HECTD4: variants seen among roughly 807,000 people sequenced by gnomAD.
HECTD4 encodes HECT domain E3 ubiquitin protein ligase 4, also known as probable E3 ubiquitin-protein ligase HECTD4.
In HECTD4, 114 loss-of-function variants were observed where a neutral mutation model predicts 471.5. That is an observed-to-expected ratio of 0.24 (90% CI 0.21 to 0.28). The LOEUF (loss-of-function observed/expected upper bound fraction) is 0.28, where lower values mean the gene tolerates loss of function less well. HECTD4 is among the 10% of genes least tolerant of loss of function. The pLI is 1.00. For synonymous variants in HECTD4, 2,012 were observed against 2,256.0 expected, an observed-to-expected ratio of 0.89 and a Z score of 3.07; for missense variants, 3,866 against 5,651.5, an observed-to-expected ratio of 0.68 and a Z score of 10.13.
chr12:112,343,585 C>T (rs1268991622), intron 1 of HECTD4, among the ~76,000 whole-genome samples: 1 of 151,984 alleles, frequency 6.6e-6, no homozygotes, highest in Non-Finnish European at 1.5e-5. Flanking sequence ...GCCTGGGCAA[C>T]ACGGCAAGAC....
rs576410097 is a variant in HECTD4, at chr12:112,311,064, C to A, written c.917-1395G>T. ...ATCACCTGAGGTCAGGAGTTCAAGA[C>A]CAGCCTGGCCAACATGGTGAAACCC... On this transcript the variant is annotated intron_variant, in intron 4 of 75. Transcript: ENST00000682272. Among the ~76,000 whole-genome samples the A allele has an allele frequency of 6.0e-4, 91 of 152,200 alleles. No homozygotes were observed. In the Middle Eastern group the frequency reaches 0.034, roughly 57 times the overall value.
intron 69 of HECTD4, 66 bp from the exon 70 acceptor site, chr12:112,169,724 C>T (rs1455332334): frequency 1.3e-6 from 2 of 1,587,706 alleles, no homozygotes; most frequent in African/African-American, 1.3e-5. Context: ...CCCTTGAGGA[C>T]AGACCCTGGG....
At chr12:112,165,949 C>A (rs1428642003) in intron 72 of HECTD4, among the ~76,000 whole-genome samples, 1 of 152,202 alleles carries the variant, frequency 6.6e-6, no homozygotes, top group Non-Finnish European at 1.5e-5. Context: ...ACCTCCCTAC[C>A]CCTTCACCGC....
intron 55 of HECTD4, among the ~76,000 whole-genome samples, chr12:112,200,123 T>C (rs2032373889): frequency 6.6e-6 from 1 of 152,012 alleles, no homozygotes; most frequent in African/African-American, 2.4e-5. Flanking sequence ...GCAGGGTGCA[T>C]GTTGCATAAG....
At chr12:112,348,918 G>C (rs1423740984) in intron 1 of HECTD4, among the ~76,000 whole-genome samples, 1 of 152,050 alleles carries the variant, frequency 6.6e-6, no homozygotes, top group East Asian at 1.9e-4. Context: ...GAGGAATTAT[G>C]GTTGATTTTC....
At chr12:112,247,927 G>C (rs181797550) in intron 27 of HECTD4, 140 bp downstream of exon 27, 19 of 569,198 alleles carry the variant, frequency 3.3e-5, no homozygotes, top group African/African-American at 2.8e-4. Flanking sequence ...TTTAAAGAAT[G>C]GGTACATTTT....
chr12:112,194,960 T>C lies in HECTD4; in HGVS notation c.8674A>G (p.Ile2892Val). 1.2e-6 allele frequency: 2 copies of C among 1,611,170 alleles called. No individual in the cohort carries two copies. Among genetic ancestry groups the C allele is most frequent in the Non-Finnish European group, 1.7e-6 (2 of 1,178,814 alleles). The change falls in exon 56 of 76, where the codon ATC becomes GTC. Residue 2892 changes from isoleucine (I) to valine (V), a missense_variant. Physicochemically the swap from Ile to Val is conservative, Grantham distance 29. Coordinates refer to ENST00000682272, the MANE Select transcript of HECTD4 (RefSeq NM_001388303.1). This position sits in a 1 kb window ranked among gnomAD's most constrained non-coding sequence, Gnocchi z 4.6. ...LPHLFTRLFHIPAIRDITLEH... is the reference protein window; with the variant it reads ...LPHLFTRLFHVPAIRDITLEH... ...AGGGTAATGTCCCGGATGGCAGGGA[T>C]GTGGAAGAGGCGAGTGAACAAGTGA...
At chr12:112,324,542 A>T (rs913590040) in intron 1 of HECTD4, among the ~76,000 whole-genome samples, 1 of 152,078 alleles carries the variant, frequency 6.6e-6, no homozygotes, top group African/African-American at 2.4e-5. Context: ...AACACACATT[A>T]CCTTTTTATT....
At position 112,319,196 on chromosome 12, in the gene HECTD4, C is replaced by A; in HGVS notation, c.695+29G>T. On this transcript the variant is annotated intron_variant, in intron 2 of 75. Coordinates refer to ENST00000682272, the MANE Select transcript of HECTD4 (RefSeq NM_001388303.1). This position sits in a 1 kb window ranked among gnomAD's most constrained non-coding sequence, Gnocchi z 5.3. ...ACCCAGGTGGCAGTAGTCACAAGGTCACCAAATGATACATTCGATTTTCCT... is the reference window on the plus strand; with the variant it reads ...ACCCAGGTGGCAGTAGTCACAAGGTAACCAAATGATACATTCGATTTTCCT... The A allele has an allele frequency of 6.5e-7, 1 of 1,534,250 alleles. No homozygotes were observed. The highest frequency in any genetic ancestry group is 1.2e-5 in the South Asian group (1 of 83,812).
At chr12:112,309,879 G>T (rs1214385380) in intron 4 of HECTD4, among the ~76,000 whole-genome samples, 1 of 152,096 alleles carries the variant, frequency 6.6e-6, no homozygotes, top group East Asian at 1.9e-4. Context: ...ACCAAGATAT[G>T]GTCAGACAGT....
At chr12:112,257,797 T>A (rs1467900063) in intron 20 of HECTD4, among the ~76,000 whole-genome samples, 1 of 152,212 alleles carries the variant, frequency 6.6e-6, no homozygotes, top group Non-Finnish European at 1.5e-5. Flanking sequence ...GTTACGAACC[T>A]TAATGTCAAA....
At chr12:112,366,479 T>A (rs2036561324) in intron 1 of HECTD4, among the ~76,000 whole-genome samples, 1 of 152,140 alleles carries the variant, frequency 6.6e-6, no homozygotes, top group Non-Finnish European at 1.5e-5. Context: ...ATGATTATGC[T>A]GCTGTACTCA....
At chr12:112,255,548 C>G (rs1401045382) in intron 21 of HECTD4, among the ~76,000 whole-genome samples, 1 of 152,096 alleles carries the variant, frequency 6.6e-6, no homozygotes, top group Non-Finnish European at 1.5e-5. Flanking sequence ...TAAAAGTCAG[C>G]CTCAGAAGTC....
Position 112,167,300 on chromosome 12 carries a change from C to A in HECTD4, c.12534+17G>T. 1 of 1,596,338 alleles carries A rather than the reference C, an allele frequency of 6.3e-7. No individual in the cohort carries two copies. Among genetic ancestry groups the A allele is most frequent in the Admixed American group, 1.7e-5 (1 of 58,836 alleles). ...CCCCGGGTTCTGCAGCCCCCCAGAACTGTGCCTTGCACTCACGCTCTCAAA... is the reference window on the plus strand; with the variant it reads ...CCCCGGGTTCTGCAGCCCCCCAGAAATGTGCCTTGCACTCACGCTCTCAAA... On this transcript the variant is annotated intron_variant, in intron 72 of 75. Transcript: ENST00000682272.
chr12:112,263,591 AATTAG>A (rs2034196067), intron 17 of HECTD4, among the ~76,000 whole-genome samples: 1 of 152,136 alleles, frequency 6.6e-6, no homozygotes, highest in African/African-American at 2.4e-5. Context: ...TAGGTTTAGA[AATTAG>A]ATTATTCCAT....
At chr12:112,305,187 T>C (rs942742300) in intron 7 of HECTD4, among the ~76,000 whole-genome samples, 10 of 152,226 alleles carry the variant, frequency 6.6e-5, no homozygotes, top group African/African-American at 9.6e-5. Flanking sequence ...AATCAAGCTA[T>C]GCAACTCCAG....
At chr12:112,268,507 G>A (rs1209189367) in intron 13 of HECTD4, among the ~76,000 whole-genome samples, 3 of 152,088 alleles carry the variant, frequency 2.0e-5, no homozygotes, top group Admixed American at 1.3e-4. Flanking sequence ...TGTAATCCCA[G>A]TACTTTGGGA....
chr12:112,182,102 A>C (rs2031694161), intron 62 of HECTD4, among the ~76,000 whole-genome samples: 1 of 151,794 alleles, frequency 6.6e-6, no homozygotes, highest in South Asian at 2.1e-4. Flanking sequence ...TAAAAAAAAA[A>C]AGATTACAAT....
In HECTD4 at chr12:112,256,506, C is replaced by T; in HGVS notation, c.3141G>A (p.Glu1047=). The T allele has an allele frequency of 6.3e-7, 1 of 1,587,610 alleles. No individual in the cohort carries two copies. The highest frequency in any genetic ancestry group is 8.5e-7 in the Non-Finnish European group (1 of 1,170,476). The change falls in exon 21 of 76, where the codon GAG becomes GAA. Residue 1047 remains glutamate, a synonymous_variant. Transcript: ENST00000682272. ...RLFPDERMLE[E]KEEPGFLTGL... ...CAGTGAGAAATCCTGGCTCTTCCTT[C>T]TCTTCTAACATTCTAAACAGAAAAA...
Sources: allele counts gnomAD v4.1 joint callset (sites outside exome capture counted in the v4.1 genomes callset), GRCh38; gene constraint gnomAD v4.1.1; non-coding constraint Gnocchi (gnomAD v3.1); transcripts MANE v1.5; gene names NCBI Gene and HGNC (gene_info 2026-07-23, HGNC 2026-07-21).